The following PCDHGA7 variants were observed in gnomAD, a reference collection of about 807,000 sequenced individuals.
PCDHGA7 encodes protocadherin gamma subfamily A, 7.
Under a neutral mutation model 58.3 loss-of-function variants are expected in PCDHGA7, and 44 were observed. The ratio of observed to expected loss-of-function variants is 0.75; its 90% CI spans 0.59 to 0.97. PCDHGA7 has a LOEUF of 0.97. Among genes scored for constraint, PCDHGA7 ranks in the 50% least tolerant of loss-of-function variants. The pLI, the probability that PCDHGA7 is intolerant of heterozygous loss-of-function variation, is 0.00. For synonymous variants in PCDHGA7, 516 were observed against 504.2 expected (o/e 1.02, Z -0.31); for missense variants, 1,266 against 1,188.7 (o/e 1.06, Z -0.96).
chr5:141,422,549 TGAA>T (rs1554114956), intron 1 of PCDHGA7: 8 of 1,614,026 alleles, frequency 5.0e-6, no homozygotes, highest in Non-Finnish European at 6.8e-6. Flanking sequence ...CATGTCTGGC[TGAA>T]TGTGGCAGAT....
At chr5:141,420,088 C>T in intron 1 of PCDHGA7, 5 of 1,614,002 alleles carry the variant, frequency 3.1e-6, no homozygotes, top group Non-Finnish European at 4.2e-6. Context: ...CCCCCAACTA[C>T]AGTGAGGGAA....
At chr5:141,508,440 T>C (rs2099868879) in intron 3 of PCDHGA7, among the ~76,000 whole-genome samples, 1 of 152,186 alleles carries the variant, frequency 6.6e-6, no homozygotes, top group African/African-American at 2.4e-5. Context: ...CACAGTTCCT[T>C]AGTGGCAGAG....
In PCDHGA7 at chr5:141,384,324, T is replaced by G. The variant is rs373247436; in HGVS notation, c.1425T>G (p.Thr475=). ...NPRGASIFLV[T]AQDHDSEDNA... ...GAGGGGCCTCCATTTTCTTAGTGAC[T>G]GCACAGGACCACGACAGTGAGGATA... The change falls in exon 1 of 4, where the codon ACT becomes ACG. Residue 475 remains threonine, a synonymous_variant. Transcript: ENST00000518325. 3 of 1,613,744 alleles carry G rather than the reference T, an allele frequency of 1.9e-6. No individual in the cohort carries two copies. Among genetic ancestry groups the G allele is most frequent in the Non-Finnish European group, 2.5e-6 (3 of 1,179,888 alleles).
intron 1 of PCDHGA7, chr5:141,390,312 C>A: frequency 1.2e-6 from 2 of 1,612,028 alleles, no homozygotes; most frequent in South Asian, 2.2e-5. Flanking sequence ...ATTTAATGCT[C>A]ATTGCCTACC....
intron 1 of PCDHGA7, among the ~76,000 whole-genome samples, chr5:141,467,590 A>T (rs2099146863): frequency 6.6e-6 from 1 of 152,214 alleles, no homozygotes; most frequent in African/African-American, 2.4e-5. Context: ...AATGCCATTT[A>T]TTAAGCACTT....
chr5:141,497,473 AGGT>A (rs2099776769), intron 2 of PCDHGA7, among the ~76,000 whole-genome samples: 1 of 151,750 alleles, frequency 6.6e-6, no homozygotes. Flanking sequence ...ATGGAGGAGA[AGGT>A]GCGGAACCTC....
intron 1 of PCDHGA7, chr5:141,410,011 G>T (rs2095347816): frequency 6.2e-7 from 1 of 1,613,184 alleles, no homozygotes; most frequent in South Asian, 1.1e-5. Context: ...ACAACGCCTG[G>T]CTGTCCTACC....
At chr5:141,390,370 A>G (rs1252386186) in intron 1 of PCDHGA7, 7 of 1,504,066 alleles carry the variant, frequency 4.7e-6, no homozygotes, top group African/African-American at 4.2e-5. Context: ...AGGAAAATAT[A>G]TAATTTTTAG....
At chr5:141,459,136 T>C (rs1044347522) in intron 1 of PCDHGA7, among the ~76,000 whole-genome samples, 2 of 152,224 alleles carry the variant, frequency 1.3e-5, no homozygotes, top group Non-Finnish European at 2.9e-5. Context: ...GTAACCACCA[T>C]GCAATCAAAA....
intron 3 of PCDHGA7, among the ~76,000 whole-genome samples, chr5:141,505,969 A>G (rs1454691041): frequency 1.3e-5 from 2 of 152,142 alleles, no homozygotes; most frequent in Non-Finnish European, 2.9e-5. Context: ...AGAAATCCCC[A>G]GCCGAGAGAA....
Position 141,431,033 on chromosome 5 carries a change from C to G in PCDHGA7, c.2424+45710C>G, listed in dbSNP as rs1006751011. ...CTTGGTCACGGCGGGCAGGATAGAC[C>G]GGGAGGAGCTCTGTATGGGGGCCAT... On this transcript the variant is annotated intron_variant, in intron 1 of 3. Coordinates refer to ENST00000518325, the MANE Select transcript of PCDHGA7 (RefSeq NM_018920.4). This position sits in a 1 kb window ranked among gnomAD's most constrained non-coding sequence, Gnocchi z 4.8. 1.2e-6 allele frequency: 2 copies of G among 1,613,980 alleles called. No individual in the cohort carries two copies. Among genetic ancestry groups the G allele is most frequent in the Admixed American group, 3.3e-5 (2 of 60,024 alleles).
At chr5:141,500,184 T>TTATA (rs530565701) in intron 2 of PCDHGA7, among the ~76,000 whole-genome samples, 2 of 135,886 alleles carry the variant, frequency 1.5e-5, no homozygotes, top group Non-Finnish European at 3.2e-5. Flanking sequence ...TCATTTTTAT[T>TTATA]TTTATTTATT....
At chr5:141,413,383 A>G in intron 1 of PCDHGA7, 1 of 1,613,998 alleles carries the variant, frequency 6.2e-7, no homozygotes, top group Non-Finnish European at 8.5e-7. Context: ...CGGAGTCCGC[A>G]TAGTCTCCAG....
chr5:141,451,978 T>A (rs1329730658), intron 1 of PCDHGA7, among the ~76,000 whole-genome samples: 1 of 152,188 alleles, frequency 6.6e-6, no homozygotes, highest in Non-Finnish European at 1.5e-5. Flanking sequence ...TTTGCTGTAG[T>A]TTGTTCATTA....
chr5:141,419,831 G>A, intron 1 of PCDHGA7: 5 of 1,614,048 alleles, frequency 3.1e-6, no homozygotes, highest in Non-Finnish European at 4.2e-6. Context: ...TTCAGCCACT[G>A]CCACGCTGCA....
At chr5:141,428,008 T>C (rs2097099623) in intron 1 of PCDHGA7, 4 of 1,601,848 alleles carry the variant, frequency 2.5e-6, no homozygotes, top group Admixed American at 3.3e-5. Context: ...CTCTTCGATA[T>C]AGTGCCACGC....
rs575459465 is a variant in PCDHGA7, at chr5:141,384,717, C to T, written c.1818C>T (p.Tyr606=). Residue 606 remains tyrosine, a synonymous_variant, in exon 1 of 4, where the codon TAC becomes TAT. Transcript: ENST00000518325. ...KDSGQNAWLS[Y]LLLKASEPGL... The stretch of plus-strand genomic sequence containing the variant: ...CAGGCCAGAACGCCTGGCTGTCATA[C>T]CTCCTGCTTAAGGCCAGCGAGCCAG... 3 of 1,614,166 alleles carry T rather than the reference C, an allele frequency of 1.9e-6. No homozygotes were observed. The highest frequency in any genetic ancestry group is 2.7e-5 in the African/African-American group (2 of 75,076).
At chr5:141,456,453 A>G (rs1395554812) in intron 1 of PCDHGA7, among the ~76,000 whole-genome samples, 1 of 152,190 alleles carries the variant, frequency 6.6e-6, no homozygotes, top group Non-Finnish European at 1.5e-5. Flanking sequence ...GAGTCCAAAT[A>G]TCAATACAAG....
chr5:141,430,673 C>A, intron 1 of PCDHGA7: 1 of 1,288,318 alleles, frequency 7.8e-7, no homozygotes, highest in Non-Finnish European at 1.0e-6. Flanking sequence ...TCTGACTTCC[C>A]AACTGTCCCA....
Sources: allele counts gnomAD v4.1 joint callset (sites outside exome capture counted in the v4.1 genomes callset), GRCh38; gene constraint gnomAD v4.1.1; non-coding constraint Gnocchi (gnomAD v3.1); transcripts MANE v1.5; gene names NCBI Gene and HGNC (gene_info 2026-07-23, HGNC 2026-07-21).